Variants in SVEP1 observed in about 807,000 individuals in gnomAD.
The protein encoded by SVEP1 is sushi, von Willebrand factor type A, EGF and pentraxin domain containing 1.
Under a neutral mutation model 367.3 loss-of-function variants are expected in SVEP1, and 164 were observed. The ratio of observed to expected loss-of-function variants is 0.45; its 90% CI spans 0.39 to 0.51. SVEP1 has a LOEUF of 0.51. Ranked by LOEUF, SVEP1 falls within the 20% of genes least tolerant of loss-of-function variation. The pLI, the probability that SVEP1 is intolerant of heterozygous loss-of-function variation, is 0.00. For missense variants in SVEP1, 4,117 were observed against 4,425.3 expected, an observed-to-expected ratio of 0.93 and a Z score of 1.98; for synonymous variants, 1,666 against 1,611.6, an observed-to-expected ratio of 1.03 and a Z score of -0.81.
At chr9:110,440,362 C>T (rs1433621299) in intron 27 of SVEP1, among the ~76,000 whole-genome samples, 1 of 152,206 alleles carries the variant, frequency 6.6e-6, no homozygotes, top group Non-Finnish European at 1.5e-5. Context: ...CTCCTTCTGT[C>T]TGAGCTGCCT....
chr9:110,560,909 G>T (rs555872767), intron 1 of SVEP1, among the ~76,000 whole-genome samples: 4 of 152,180 alleles, frequency 2.6e-5, no homozygotes, highest in South Asian at 2.1e-4. Context: ...TTCTTCTTTC[G>T]AATCCATTTT....
At position 110,407,828 on chromosome 9, in the gene SVEP1, T is replaced by A; in HGVS notation, c.7772A>T (p.His2591Leu). ...TGACTCTTCACAGGTCTGCATGGCATGACCAGCCACCTGAAACCCAGGGAA... is the reference window on the plus strand; with the variant it reads ...TGACTCTTCACAGGTCTGCATGGCAAGACCAGCCACCTGAAACCCAGGGAA... ...SCFPGFQVAG[H>L]AMQTCEESGW... The change falls in exon 38 of 48, where the codon CAT (histidine) becomes CTT (leucine). Residue 2591 changes from histidine (H) to leucine (L), a missense_variant. Around this residue, in one of 4 missense-constraint regions of SVEP1, gnomAD observed 1,765 missense variants for 1,781.1 expected, o/e 0.99. Coordinates refer to ENST00000374469, the MANE Select transcript of SVEP1 (RefSeq NM_153366.4). 1.2e-6 allele frequency: 2 copies of A among 1,614,022 alleles called. No homozygotes were observed. Among genetic ancestry groups the A allele is most frequent in the Non-Finnish European group, 1.7e-6 (2 of 1,179,886 alleles).
At chr9:110,440,551 C>T (rs7848767) in intron 27 of SVEP1, among the ~76,000 whole-genome samples, 73,497 of 152,026 alleles carry the variant, frequency 0.48, 17,813 homozygotes, top group Admixed American at 0.5. Flanking sequence ...AAATACTTTC[C>T]GATACAGTGT....
In SVEP1 at chr9:110,401,022, TAAC is replaced by T; in HGVS notation, c.9667-16_9667-14del. The stretch of plus-strand genomic sequence containing the variant: ...AGGTTCCATCAAGCTAAGTGACAAA[TAAC>T]AAAATGTAAGTTATGTTTAGAAGTT... On this transcript the variant is annotated splice_polypyrimidine_tract_variant and intron_variant, in intron 39 of 47. Transcript: ENST00000374469. 6.2e-7 allele frequency: 1 copy of T among 1,612,286 alleles called. No individual in the cohort carries two copies. Among genetic ancestry groups the T allele is most frequent in the Non-Finnish European group, 8.5e-7 (1 of 1,179,474 alleles).
chr9:110,393,430 AGCTCCCAGCGT>A (rs1412830572), intron 40 of SVEP1, among the ~76,000 whole-genome samples: 9 of 152,228 alleles, frequency 5.9e-5, no homozygotes, highest in Non-Finnish European at 1.2e-4. Flanking sequence ...TCCAGTCTAC[AGCTCCCAGCGT>A]GAGCGACGCA....
At chr9:110,495,071 G>C (rs1225812375) in intron 8 of SVEP1, among the ~76,000 whole-genome samples, 1 of 152,054 alleles carries the variant, frequency 6.6e-6, no homozygotes. Context: ...ATTCCCTTTA[G>C]TTACGCTTCA....
Position 110,411,260 on chromosome 9 carries a change from T to A in SVEP1, c.6451A>T (p.Ser2151Cys), listed in dbSNP as rs1232424472. ...CCACTTGCATAGCCATTCATGATGC[T>A]TGGTGGCTCTCCACACCGCACAGGG... Reference protein sequence around the residue: ...CIPVRCGEPPSIMNGYASGSN... With the variant: ...CIPVRCGEPPCIMNGYASGSN... The change falls in exon 37 of 48, where the codon AGC (serine) becomes TGC (cysteine). Residue 2151 changes from serine (S) to cysteine (C), a missense_variant. Ser to Cys is a moderately radical substitution (Grantham distance 112). Transcript: ENST00000374469. The A allele has an allele frequency of 1.9e-6, 3 of 1,614,020 alleles. No homozygotes were observed. The highest frequency in any genetic ancestry group is 2.5e-6 in the Non-Finnish European group (3 of 1,179,886).
chr9:110,408,241 C>A lies in SVEP1; in HGVS notation c.7359G>T (p.Val2453=), dbSNP rs766412372. 54 of 1,613,874 alleles carry A rather than the reference C, an allele frequency of 3.3e-5. No individual in the cohort carries two copies. Among genetic ancestry groups the A allele is most frequent in the Non-Finnish European group, 4.0e-5 (47 of 1,179,910 alleles). Reference sequence around the variant, plus strand: ...CTGTGCTGAGATAGGCAAGGCCTTGCACATCAATGATTCCATTGGGGATTT... The same window carrying A: ...CTGTGCTGAGATAGGCAAGGCCTTGAACATCAATGATTCCATTGGGGATTT... The part of the protein sequence containing the change: ...PEEIPNGIID[V]QGLAYLSTAL... The change falls in exon 38 of 48, where the codon GTG becomes GTT. Residue 2453 remains valine, a synonymous_variant. Transcript: ENST00000374469.
At chr9:110,391,945 C>A (rs1827661773) in intron 40 of SVEP1, among the ~76,000 whole-genome samples, 1 of 151,840 alleles carries the variant, frequency 6.6e-6, no homozygotes, top group African/African-American at 2.4e-5. Flanking sequence ...CCCTCTTTTT[C>A]TTCCTCACCA....
At chr9:110,409,201 C>T (rs905249307) in intron 37 of SVEP1, among the ~76,000 whole-genome samples, 2 of 151,958 alleles carry the variant, frequency 1.3e-5, no homozygotes, top group Admixed American at 6.6e-5. Flanking sequence ...TTTGGGAGGC[C>T]GAGGCAGGAG....
At chr9:110,565,817 GGTGA>G (rs112528775) in intron 1 of SVEP1, among the ~76,000 whole-genome samples, 4,538 of 151,924 alleles carry the variant, frequency 0.03, 110 homozygotes, top group African/African-American at 0.055. Flanking sequence ...GAACTTCACT[GGTGA>G]GTATGTATCA....
chr9:110,432,715 T>G (rs1362054529), intron 30 of SVEP1, 80 bp from the exon 31 acceptor site: 1 of 1,476,966 alleles, frequency 6.8e-7, no homozygotes, highest in Non-Finnish European at 9.1e-7. Context: ...AAACTAGCAG[T>G]TCAGTTAAGC....
At chr9:110,535,868 C>T (rs553699943) in intron 3 of SVEP1, among the ~76,000 whole-genome samples, 89 of 151,992 alleles carry the variant, frequency 5.9e-4, no homozygotes, top group East Asian at 3.3e-3. Flanking sequence ...TTTTGGACAG[C>T]GACTATAGGG....
intron 23 of SVEP1, among the ~76,000 whole-genome samples, chr9:110,450,676 T>C (rs959463089): frequency 2.0e-5 from 3 of 151,872 alleles, no homozygotes; most frequent in Admixed American, 6.6e-5. Flanking sequence ...GGTTTCACCA[T>C]GTTGGCCGAG....
chr9:110,479,483 G>A (rs1829151468), intron 13 of SVEP1, among the ~76,000 whole-genome samples, 152 bp downstream of exon 13: 1 of 152,200 alleles, frequency 6.6e-6, no homozygotes, highest in Non-Finnish European at 1.5e-5. Flanking sequence ...CATTTTAGAA[G>A]TTCAAAATCT....
intron 12 of SVEP1, 117 bp from the exon 13 acceptor site, chr9:110,479,873 A>G: frequency 1.4e-6 from 2 of 1,419,732 alleles, no homozygotes; most frequent in Non-Finnish European, 1.9e-6. Context: ...TGGGATTGTT[A>G]TAAAAACAAG....
intron 22 of SVEP1, among the ~76,000 whole-genome samples, chr9:110,453,298 A>AAAGTAGT (rs1466032732): frequency 1.3e-4 from 20 of 152,244 alleles, no homozygotes; most frequent in African/African-American, 4.8e-4. Flanking sequence ...TACTATTTAT[A>AAAGTAGT]AAGTAGTAAA....
chr9:110,370,745 G>A (rs1337027412), intron 46 of SVEP1, among the ~76,000 whole-genome samples: 1 of 152,066 alleles, frequency 6.6e-6, no homozygotes, highest in African/African-American at 2.4e-5. Context: ...TGAAGATGCT[G>A]GTATTTGGTC....
chr9:110,463,838 G>T (rs1164168640), intron 18 of SVEP1, among the ~76,000 whole-genome samples: 2 of 152,190 alleles, frequency 1.3e-5, no homozygotes, highest in Admixed American at 6.5e-5. Context: ...AAAATAAAAT[G>T]TTTATCCAGC....
Sources: allele counts gnomAD v4.1 joint callset (sites outside exome capture counted in the v4.1 genomes callset), GRCh38; gene constraint gnomAD v4.1.1; regional missense constraint gnomAD v4.1.1; transcripts MANE v1.5; gene names NCBI Gene and HGNC (gene_info 2026-07-23, HGNC 2026-07-21).